COL25A1: variants seen among roughly 807,000 people sequenced by gnomAD.
The protein encoded by COL25A1 is collagen type XXV alpha 1 chain.
COL25A1 carries 103 observed loss-of-function variants against 128.4 expected under a neutral mutation model. The ratio of observed to expected loss-of-function variants is 0.80; its 90% CI spans 0.68 to 0.94. The LOEUF (loss-of-function observed/expected upper bound fraction) is 0.94. Among genes scored for constraint, COL25A1 ranks in the 40% least tolerant of loss-of-function variants. COL25A1 has a pLI of 0.00. For synonymous variants in COL25A1, 279 were observed against 277.2 expected (o/e 1.01, Z -0.06); for missense variants, 745 against 840.0 (o/e 0.89, Z 1.40).
At chr4:109,171,581 TAAA>T (rs1483787061) in intron 3 of COL25A1, among the ~76,000 whole-genome samples, 4 of 152,144 alleles carry the variant, frequency 2.6e-5, no homozygotes, top group Non-Finnish European at 5.9e-5. Context: ...TGGTGTGAAA[TAAA>T]AAGTGAAAAT....
intron 11 of COL25A1, among the ~76,000 whole-genome samples, chr4:108,929,615 G>A (rs560879145): frequency 3.3e-5 from 5 of 152,128 alleles, no homozygotes; most frequent in Non-Finnish European, 7.4e-5. Context: ...GCCCATGCAA[G>A]AGGATTGCTT....
intron 3 of COL25A1, among the ~76,000 whole-genome samples, chr4:109,060,687 CA>C (rs112449642): frequency 1.7e-3 from 208 of 124,352 alleles, no homozygotes; most frequent in South Asian, 5.7e-3. Flanking sequence ...ACTCAATTTT[CA>C]AAAAAAAAAA....
At chr4:108,931,540 G>T (rs1746741213) in intron 11 of COL25A1, among the ~76,000 whole-genome samples, 1 of 152,172 alleles carries the variant, frequency 6.6e-6, no homozygotes, top group South Asian at 2.1e-4. Flanking sequence ...TGTTGAAAAT[G>T]CTCCCCAAGA....
intron 14 of COL25A1, among the ~76,000 whole-genome samples, chr4:108,900,063 A>G (rs549862950): frequency 6.6e-6 from 1 of 152,278 alleles, no homozygotes; most frequent in East Asian, 1.9e-4. Context: ...TTTTAAATTT[A>G]TAACCCACTG....
intron 20 of COL25A1, among the ~76,000 whole-genome samples, chr4:108,868,617 A>G (rs190439445): frequency 6.6e-6 from 1 of 150,652 alleles, no homozygotes; most frequent in East Asian, 1.9e-4. Flanking sequence ...AAAGAAAGAA[A>G]GAAAGAAAGA....
At chr4:109,285,807 C>A (rs569510951) in intron 3 of COL25A1, among the ~76,000 whole-genome samples, 2 of 152,190 alleles carry the variant, frequency 1.3e-5, no homozygotes, top group South Asian at 4.2e-4. Context: ...ATATTTACAC[C>A]CGAAAAACTT....
At chr4:109,094,562 T>A (rs1188202932) in intron 3 of COL25A1, among the ~76,000 whole-genome samples, 1 of 152,240 alleles carries the variant, frequency 6.6e-6, no homozygotes, top group East Asian at 1.9e-4. Flanking sequence ...TTCTTGTAAC[T>A]ACAACTTTCT....
chr4:109,276,342 G>A (rs1483993791), intron 3 of COL25A1, among the ~76,000 whole-genome samples: 3 of 151,438 alleles, frequency 2.0e-5, no homozygotes, highest in Admixed American at 1.3e-4. Context: ...AACCCAGGAG[G>A]CGGAGGTTGC....
At chr4:108,832,973 T>TAATAAATAAATAAATACATAAATA (rs374659428) in intron 31 of COL25A1, among the ~76,000 whole-genome samples, 1,283 of 106,160 alleles carry the variant, frequency 0.012, 23 homozygotes, top group African/African-American at 0.037. Context: ...TCTCAAAAAA[T>TAATAAATAAATAAATACATAAATA]AATAAATAAA....
At chr4:109,254,005 C>T (rs62325960) in intron 3 of COL25A1, among the ~76,000 whole-genome samples, 5,457 of 150,700 alleles carry the variant, frequency 0.036, 156 homozygotes, top group Middle Eastern at 0.12. Flanking sequence ...GAGAATGGCG[C>T]GAACCCAGGA....
At chr4:109,085,628 T>C (rs1764282722) in intron 3 of COL25A1, among the ~76,000 whole-genome samples, 1 of 152,196 alleles carries the variant, frequency 6.6e-6, no homozygotes. Flanking sequence ...AGGGATAGAA[T>C]GCAAAAACTT....
At chr4:109,039,859 T>C (rs915185236) in intron 5 of COL25A1, among the ~76,000 whole-genome samples, 48 of 152,320 alleles carry the variant, frequency 3.2e-4, no homozygotes, top group African/African-American at 1.2e-3. Context: ...AATTCTATAT[T>C]CCATCCTTTT....
chr4:108,966,965 A>AGAAAAAGAAAGAC (rs1751381855), intron 8 of COL25A1, among the ~76,000 whole-genome samples: 1 of 152,068 alleles, frequency 6.6e-6, no homozygotes, highest in African/African-American at 2.4e-5. Context: ...AAAAGAAAGA[A>AGAAAAAGAAAGAC]AGAAAAAGAA....
intron 6 of COL25A1, among the ~76,000 whole-genome samples, chr4:108,995,828 A>G (rs995344181): frequency 2.6e-5 from 4 of 152,196 alleles, no homozygotes; most frequent in African/African-American, 9.6e-5. Flanking sequence ...ATTCTTAAAG[A>G]AAAGAATTTT....
At chr4:108,919,758 G>GA (rs201419136) in intron 12 of COL25A1, among the ~76,000 whole-genome samples, 17 of 150,252 alleles carry the variant, frequency 1.1e-4, no homozygotes, top group African/African-American at 2.4e-4. Context: ...ATCAGAATTT[G>GA]AAAAAAAAAA....
intron 8 of COL25A1, among the ~76,000 whole-genome samples, chr4:108,960,090 T>C (rs2125965961): frequency 6.6e-6 from 1 of 152,228 alleles, no homozygotes; most frequent in South Asian, 2.1e-4. Context: ...TTTCCTAATA[T>C]AGAAGATCCT....
intron 3 of COL25A1, among the ~76,000 whole-genome samples, chr4:109,178,105 G>C (rs1362902936): frequency 6.6e-6 from 1 of 152,148 alleles, no homozygotes; most frequent in Non-Finnish European, 1.5e-5. Flanking sequence ...ACTTAAATAA[G>C]TTTAAATAAG....
At chr4:109,196,173 G>A (rs1578409595) in intron 3 of COL25A1, among the ~76,000 whole-genome samples, 1 of 152,154 alleles carries the variant, frequency 6.6e-6, no homozygotes, top group Admixed American at 6.5e-5. Context: ...CCATTACGGG[G>A]AGACGAGACC....
In COL25A1 at chr4:108,812,090, T is replaced by C. The variant is rs539917571; in HGVS notation, c.*1837A>G. ...TCCTCATTGATAATGTTTCTTTCAATGTAACACTTCCACTTAGAATAAGCC... is the reference window on the plus strand; with the variant it reads ...TCCTCATTGATAATGTTTCTTTCAACGTAACACTTCCACTTAGAATAAGCC... On this transcript the variant is annotated 3_prime_UTR_variant, in exon 38 of 38. Transcript: ENST00000399132. 6.6e-6 allele frequency: 1 copy of C among 152,324 alleles called. No homozygotes were observed. Among genetic ancestry groups the C allele is most frequent in the South Asian group, 2.1e-4 (1 of 4,832 alleles). The allele number at this position is 152,324 out of a possible 1,614,324, so 9.4% of individuals were successfully genotyped here.
Sources: gnomAD v4.1 joint callset for allele counts (sites outside exome capture counted in the v4.1 genomes callset) on GRCh38, gnomAD v4.1.1 for gene constraint, MANE v1.5 for transcripts, NCBI Gene and HGNC (gene_info 2026-07-23, HGNC 2026-07-21) for gene names.